Variants in JAKMIP1 observed in about 807,000 individuals in gnomAD.
JAKMIP1 encodes the protein janus kinase and microtubule interacting protein 1.
A neutral mutation model predicts 113.0 loss-of-function variants in JAKMIP1; 33 were observed. That is an observed-to-expected ratio of 0.29 (90% CI 0.22 to 0.39). The LOEUF is 0.39. JAKMIP1 is among the 10% of genes least tolerant of loss of function. JAKMIP1 has a pLI of 1.00. For missense variants in JAKMIP1, 813 were observed against 1,080.5 expected, an observed-to-expected ratio of 0.75 and a Z score of 3.47; for synonymous variants, 480 against 459.9, an observed-to-expected ratio of 1.04 and a Z score of -0.56.
Position 6,027,454 on chromosome 4 carries a change from G to A in JAKMIP1, c.2446-1176C>T, listed in dbSNP as rs558489836. Reference sequence around the variant, plus strand: ...AGGATTCGTTAAGACCATCCAGTGGGGGTGTGGCAGGAAAGAGTTTCTGGC... The same window carrying A: ...AGGATTCGTTAAGACCATCCAGTGGAGGTGTGGCAGGAAAGAGTTTCTGGC... On this transcript the variant is annotated intron_variant, in intron 20 of 20. Transcript: ENST00000409021. Among the ~76,000 whole-genome samples, 10 of 152,292 alleles carry A rather than the reference G, an allele frequency of 6.6e-5. 1 individual carries two copies. The highest frequency in any genetic ancestry group is 5.2e-4 in the Admixed American group (8 of 15,300).
rs2109061740 is a variant in JAKMIP1, at chr4:6,192,216, A to G, written c.-148+8037T>C. Among the ~76,000 whole-genome samples, 1 of 152,170 alleles carries G rather than the reference A, an allele frequency of 6.6e-6. No individual in the cohort carries two copies. The highest frequency in any genetic ancestry group is 1.9e-4 in the East Asian group (1 of 5,170). ...CCAAAGTGCTGGGATTACAGGCGTG[A>G]GCCACCGCGCCTGGCCAGGGTGTAT... On this transcript the variant is annotated intron_variant, in intron 1 of 20. Coordinates refer to ENST00000409021, the MANE Select transcript of JAKMIP1 (RefSeq NM_001099433.2). This position sits in a 1 kb window ranked among gnomAD's most constrained non-coding sequence, Gnocchi z 5.0.
chr4:6,087,246 C>T (rs769686233), intron 3 of JAKMIP1, among the ~76,000 whole-genome samples: 3 of 151,992 alleles, frequency 2.0e-5, no homozygotes, highest in Non-Finnish European at 4.4e-5. Flanking sequence ...GAGAAGCAGG[C>T]TAAAATCCCG....
At chr4:6,189,720 G>C (rs1161099443) in intron 1 of JAKMIP1, among the ~76,000 whole-genome samples, 1 of 152,184 alleles carries the variant, frequency 6.6e-6, no homozygotes, top group Non-Finnish European at 1.5e-5. Flanking sequence ...GTAGGGCAGT[G>C]AGGGCCCTGG....
chr4:6,080,938 T>A lies in JAKMIP1; in HGVS notation c.1102-626A>T, dbSNP rs976657838. 6.8e-6 allele frequency among the ~76,000 whole-genome samples: 1 copy of A among 146,694 alleles called. No homozygotes were observed. The highest frequency in any genetic ancestry group is 2.1e-4 in the South Asian group (1 of 4,674). On this transcript the variant is annotated intron_variant, in intron 6 of 20. Transcript: ENST00000409021. This position sits in a 1 kb window ranked among gnomAD's most constrained non-coding sequence, Gnocchi z 6.0. ...GACATTTGAAATGAGCCTAGAAACC[T>A]GGGAGGGGAAGGCAGGGGAAGGAGA... is the stretch of plus-strand genomic sequence containing the variant.
intron 8 of JAKMIP1, among the ~76,000 whole-genome samples, chr4:6,072,947 T>G (rs1719182239): frequency 6.6e-6 from 1 of 151,734 alleles, no homozygotes; most frequent in South Asian, 2.1e-4. Context: ...CCAGGCCTGG[T>G]GGCACACTCC....
chr4:6,084,772 A>T (rs1721040604), intron 5 of JAKMIP1, 74 bp downstream of exon 5: 1 of 1,465,880 alleles, frequency 6.8e-7, no homozygotes. Context: ...CTTTCTGTGC[A>T]GGGCATGTTT....
At position 6,142,799 on chromosome 4, in the gene JAKMIP1, G is replaced by A. The variant is rs548734082; in HGVS notation, c.-147-29802C>T. 2.0e-4 allele frequency among the ~76,000 whole-genome samples: 31 copies of A among 152,216 alleles called. 3 individuals carry two copies. The South Asian group carries it at 6.4e-3, about 32-fold the overall frequency. ...CTGGTTATGTGGCAGATCCTCCCAG[G>A]GGTACAAATGGCATCACAGGATTTT... On this transcript the variant is annotated intron_variant, in intron 1 of 20. Coordinates refer to ENST00000409021, the MANE Select transcript of JAKMIP1 (RefSeq NM_001099433.2). The surrounding 1 kb of genome is among the most constrained non-coding windows in gnomAD (Gnocchi z 5.5).
chr4:6,052,495 A>C (rs1715784147), intron 13 of JAKMIP1, among the ~76,000 whole-genome samples: 1 of 151,850 alleles, frequency 6.6e-6, no homozygotes, highest in Non-Finnish European at 1.5e-5. Context: ...AAAATACAAA[A>C]ATTAGCTGGG....
chr4:6,033,801 A>C (rs148263428), intron 19 of JAKMIP1, among the ~76,000 whole-genome samples: 1 of 152,362 alleles, frequency 6.6e-6, no homozygotes, highest in East Asian at 1.9e-4. Flanking sequence ...GGGAAAAAAA[A>C]ATGTAGGTTT....
intron 1 of JAKMIP1, among the ~76,000 whole-genome samples, chr4:6,118,824 C>G (rs543165740): frequency 2.9e-4 from 44 of 152,278 alleles, no homozygotes; most frequent in African/African-American, 9.6e-4. Context: ...CAAAGAAATA[C>G]GATCACATCC....
intron 12 of JAKMIP1, 128 bp downstream of exon 12, chr4:6,056,569 T>A: frequency 1.4e-6 from 1 of 716,316 alleles, no homozygotes; most frequent in Non-Finnish European, 2.5e-6. Context: ...ATGGGAGGTG[T>A]GCAGGACCCG....
At chr4:6,062,743 G>A (rs1450678825) in intron 9 of JAKMIP1, among the ~76,000 whole-genome samples, 1 of 152,224 alleles carries the variant, frequency 6.6e-6, no homozygotes, top group African/African-American at 2.4e-5. Flanking sequence ...TGTGGGAGCA[G>A]GTGGGAGAGA....
rs746287334 is a variant in JAKMIP1, at chr4:6,105,459, G to A, written c.624+14C>T. On this transcript the variant is annotated intron_variant, in intron 3 of 20. Coordinates refer to ENST00000409021, the MANE Select transcript of JAKMIP1 (RefSeq NM_001099433.2). ...GGCCGCGTGCCCGCGGGCGGGGGAG[G>A]GGGCGGCACGTACCAGCCTGCGGAT... 4.4e-6 allele frequency: 7 copies of A among 1,573,888 alleles called. No individual in the cohort carries two copies. In the African/African-American group the frequency reaches 9.4e-5, roughly 21 times the overall value.
intron 8 of JAKMIP1, chr4:6,070,215 G>T: frequency 2.5e-6 from 1 of 398,266 alleles, no homozygotes; most frequent in Middle Eastern, 6.3e-4. Flanking sequence ...TTAGGCAAAA[G>T]CCACCTCGTC....
At position 6,181,715 on chromosome 4, in the gene JAKMIP1, T is replaced by C. The variant is rs570569591; in HGVS notation, c.-148+18538A>G. Among the ~76,000 whole-genome samples the C allele has an allele frequency of 5.9e-5, 9 of 152,298 alleles. No homozygotes were observed. The highest frequency in any genetic ancestry group is 2.2e-4 in the African/African-American group (9 of 41,560). The stretch of plus-strand genomic sequence containing the variant: ...AGCAACGCAAGCTCCATTCATTCAT[T>C]CATTCATTCAACAGCATCCTAGTGC... On this transcript the variant is annotated intron_variant, in intron 1 of 20. Coordinates refer to ENST00000409021, the MANE Select transcript of JAKMIP1 (RefSeq NM_001099433.2). The surrounding 1 kb of genome is among the most constrained non-coding windows in gnomAD (Gnocchi z 5.4).
rs2108785077 is a variant in JAKMIP1, at chr4:6,061,630, T to C, written c.1560+682A>G. 6.6e-6 allele frequency among the ~76,000 whole-genome samples: 1 copy of C among 150,386 alleles called. No homozygotes were observed. The highest frequency in any genetic ancestry group is 2.0e-4 in the East Asian group (1 of 5,066). ...GGCAAGTTGCTCAGTTCTGAGCCTG[T>C]TTCCTCATTCGGAAGATCGGGTTAA... is the stretch of plus-strand genomic sequence containing the variant. On this transcript the variant is annotated intron_variant, in intron 10 of 20. Transcript: ENST00000409021. This position sits in a 1 kb window ranked among gnomAD's most constrained non-coding sequence, Gnocchi z 5.3.
intron 1 of JAKMIP1, among the ~76,000 whole-genome samples, chr4:6,133,869 C>T (rs1201320900): frequency 6.6e-6 from 1 of 152,230 alleles, no homozygotes; most frequent in East Asian, 1.9e-4. Flanking sequence ...TCTCTCTCTT[C>T]TTGGCTGCAG....
chr4:6,112,676 G>A (rs1416846788), intron 2 of JAKMIP1, 46 bp downstream of exon 2: 3 of 1,599,506 alleles, frequency 1.9e-6, no homozygotes, highest in Non-Finnish European at 1.7e-6. Flanking sequence ...ACTGCCCAAA[G>A]GGACATTTGC....
rs149788735 is a variant in JAKMIP1, at chr4:6,192,588, G to C, written c.-148+7665C>G. Among the ~76,000 whole-genome samples, 1,172 of 152,218 alleles carry C rather than the reference G, an allele frequency of 7.7e-3. 11 individuals are homozygous for C. The highest frequency in any genetic ancestry group is 0.026 in the African/African-American group (1,092 of 41,530). The stretch of plus-strand genomic sequence containing the variant: ...GTGAAGCTCAGAAAGATGAAGGAAC[G>C]AGCACTCGATCACAGAGCTAGCAGG... On this transcript the variant is annotated intron_variant, in intron 1 of 20. Coordinates refer to ENST00000409021, the MANE Select transcript of JAKMIP1 (RefSeq NM_001099433.2). The surrounding 1 kb of genome is among the most constrained non-coding windows in gnomAD (Gnocchi z 5.0).
Sources: gnomAD v4.1 joint callset for allele counts (sites outside exome capture counted in the v4.1 genomes callset) on GRCh38, gnomAD v4.1.1 for gene constraint, Gnocchi (gnomAD v3.1) non-coding constraint, MANE v1.5 for transcripts, NCBI Gene and HGNC (gene_info 2026-07-23, HGNC 2026-07-21) for gene names.